The following NR4A2 variants were observed in gnomAD, a reference collection of about 807,000 sequenced individuals.
The protein encoded by NR4A2 is NGFI-B/nur77 beta-type transcription factor homolog.
NR4A2 carries 1 observed loss-of-function variant against 50.5 expected under a neutral mutation model. The observed-to-expected ratio is 0.02, with a 90% CI of 0.01 to 0.09. NR4A2 has a LOEUF of 0.09. Ranked by LOEUF, NR4A2 falls within the 10% of genes least tolerant of loss-of-function variation. The pLI, the probability that NR4A2 is intolerant of heterozygous loss-of-function variation, is 1.00. For synonymous variants in NR4A2, 328 were observed against 309.4 expected (o/e 1.06, Z -0.63); for missense variants, 613 against 777.3 (o/e 0.79, Z 2.51).
chr2:156,332,310 T>C (rs1364982005), intron 1 of NR4A2, among the ~76,000 whole-genome samples, 170 bp downstream of exon 1: 1 of 152,132 alleles, frequency 6.6e-6, no homozygotes, highest in African/African-American at 2.4e-5. Flanking sequence ...TTCGAACAAA[T>C]GCCCCCCGGT....
At position 156,328,528 on chromosome 2, in the gene NR4A2, T is replaced by G. The variant is rs960908237; in HGVS notation, c.870A>C (p.Thr290=). 6.2e-7 allele frequency: 1 copy of G among 1,614,136 alleles called. No homozygotes were observed. Among genetic ancestry groups the G allele is most frequent in the African/African-American group, 1.3e-5 (1 of 74,940 alleles). Residue 290 remains threonine (T), a synonymous_variant, in exon 4 of 8, where the codon ACA becomes ACC. Transcript: ENST00000339562. The surrounding 1 kb of genome is among the most constrained non-coding windows in gnomAD (Gnocchi z 4.9). ...ACACGTATTTTGCATTTTTTTGCACTGTGCGCTGCAAAAGGAGACAATATA... is the reference window on the plus strand; with the variant it reads ...ACACGTATTTTGCATTTTTTTGCACGGTGCGCTGCAAAAGGAGACAATATA... ...CEGCKGFFKR[T]VQKNAKYVCL... is the part of the protein sequence containing the mutation.
chr2:156,330,809 G>A lies in NR4A2; in HGVS notation c.-126-18C>T. On this transcript the variant is annotated intron_variant, in intron 1 of 7. Coordinates refer to ENST00000339562, the MANE Select transcript of NR4A2 (RefSeq NM_006186.4). ...TCTCCTCCCTGAAATACAGACACAG[G>A]AAGCTTCAGGGTTTCTTCCCGACAG... 2 of 1,241,658 alleles carry A rather than the reference G, an allele frequency of 1.6e-6. No homozygotes were observed. Among genetic ancestry groups the A allele is most frequent in the Non-Finnish European group, 2.0e-6 (2 of 992,808 alleles). The allele number at this position is 1,241,658 out of a possible 1,614,324, so 76.9% of individuals were successfully genotyped here.
rs527543896 is a variant in NR4A2 at position 156,330,309 on chromosome 2, G to A, written c.-2-121C>T. The A allele has an allele frequency of 8.3e-5, 95 of 1,140,828 alleles. No individual in the cohort carries two copies. In the South Asian group the frequency reaches 1.1e-3, roughly 13 times the overall value. The allele number at this position is 1,140,828 out of a possible 1,614,324, so 70.7% of individuals were successfully genotyped here. A position where few individuals can be genotyped will look rare whatever the true frequency, so the allele number is the denominator to read the frequency against. ...GCAGTCAGAGAGCATGTAGGGGCGCGAGAGGAAAGGCAGGAGAGAGAGAAT... is the reference window on the plus strand; with the variant it reads ...GCAGTCAGAGAGCATGTAGGGGCGCAAGAGGAAAGGCAGGAGAGAGAGAAT... On this transcript the variant is annotated intron_variant, in intron 2 of 7. Transcript: ENST00000339562.
In NR4A2 at chr2:156,328,308, G is replaced by T; in HGVS notation, c.994+96C>A. ...GAGGCCATACTGAGGGGGAGTCGGA[G>T]ATCCCCAGCACCGGGAAGTGGAACG... is the stretch of plus-strand genomic sequence containing the variant. On this transcript the variant is annotated intron_variant, in intron 4 of 7. Transcript: ENST00000339562. This position sits in a 1 kb window ranked among gnomAD's most constrained non-coding sequence, Gnocchi z 4.9. 2 of 1,582,638 alleles carry T rather than the reference G, an allele frequency of 1.3e-6. No individual in the cohort carries two copies. Among genetic ancestry groups the T allele is most frequent in the African/African-American group, 1.3e-5 (1 of 74,384 alleles).
Position 156,325,822 on chromosome 2 carries a change from A to G in NR4A2, c.1719T>C (p.Ile573=), listed in dbSNP as rs1267798079. ...RTLCTQGLQR[I]FYLKLEDLVP... ...CCAAGTCTTCCAATTTCAGGTAGAAAATGCGCTGTAGCCCCTGTGTGCAAA... is the reference window on the plus strand; with the variant it reads ...CCAAGTCTTCCAATTTCAGGTAGAAGATGCGCTGTAGCCCCTGTGTGCAAA... Residue 573 remains isoleucine, a synonymous_variant, in exon 8 of 8, where the codon ATT becomes ATC. Transcript: ENST00000339562. 6.2e-7 allele frequency: 1 copy of G among 1,614,176 alleles called. No homozygotes were observed. The highest frequency in any genetic ancestry group is 1.1e-5 in the South Asian group (1 of 91,078).
In NR4A2 at chr2:156,326,359, GAA is replaced by G; in HGVS notation, c.1362-33_1362-32del. 2.5e-6 allele frequency: 4 copies of G among 1,585,048 alleles called. No individual in the cohort carries two copies. Among genetic ancestry groups the G allele is most frequent in the Non-Finnish European group, 3.5e-6 (4 of 1,153,646 alleles). ...ATTAATACCAAAGAGAGAGAGGGGA[GAA>G]AAAGAGAGAGAGAAAAGCTAAACAA... On this transcript the variant is annotated intron_variant, in intron 6 of 7. Coordinates refer to ENST00000339562, the MANE Select transcript of NR4A2 (RefSeq NM_006186.4). This position sits in a 1 kb window ranked among gnomAD's most constrained non-coding sequence, Gnocchi z 4.2.
In NR4A2 at chr2:156,331,633, C is replaced by G. The variant is rs834835; in HGVS notation, c.-126-842G>C. Among the ~76,000 whole-genome samples, 3 of 152,036 alleles carry G rather than the reference C, an allele frequency of 2.0e-5. No homozygotes were observed. The East Asian group carries it at 5.8e-4, about 29-fold the overall frequency. On this transcript the variant is annotated intron_variant, in intron 1 of 7. Transcript: ENST00000339562. ...GGAACAAGGCATTCTTGTGTCCTAG[C>G]AATTTTCAGATGTTCCCACTTGGAA...
chr2:156,327,852 C>T lies in NR4A2; in HGVS notation c.1157G>A (p.Arg386Lys). ...NPAMTSLDYS[R>K]FQANPDYQMS... ...ATATCCCCCCCGCCAGCTTCTTACC[C>T]TGGAATAGTCCAGGCTGGTCATAGC... Residue 386 changes from arginine to lysine, a missense_variant and splice_region_variant, in exon 5 of 8, where the codon AGG (arginine) becomes AAG (lysine). This residue lies in a region of NR4A2 where 250 missense variants were observed against 311.3 expected (regional missense o/e 0.80). Coordinates refer to ENST00000339562, the MANE Select transcript of NR4A2 (RefSeq NM_006186.4). The T allele has an allele frequency of 1.9e-6, 3 of 1,578,508 alleles. No homozygotes were observed. Among genetic ancestry groups the T allele is most frequent in the Non-Finnish European group, 2.6e-6 (3 of 1,160,994 alleles).
At position 156,325,642 on chromosome 2, in the gene NR4A2, G is replaced by C. The variant is rs1370950943; in HGVS notation, c.*102C>G. On this transcript the variant is annotated 3_prime_UTR_variant, in exon 8 of 8. Coordinates refer to ENST00000339562, the MANE Select transcript of NR4A2 (RefSeq NM_006186.4). ...GGGTTACAGAAATGGGGGGCAGCTTGAGCTGAGACTGCTCACACGGCTATC... is the reference window on the plus strand; with the variant it reads ...GGGTTACAGAAATGGGGGGCAGCTTCAGCTGAGACTGCTCACACGGCTATC... The C allele has an allele frequency of 2.1e-6, 3 of 1,443,720 alleles. No individual in the cohort carries two copies. The highest frequency in any genetic ancestry group is 2.9e-6 in the Non-Finnish European group (3 of 1,027,180). The allele number at this position is 1,443,720 out of a possible 1,614,324, so 89.4% of individuals were successfully genotyped here. A position where few individuals can be genotyped will look rare whatever the true frequency, so the allele number is the denominator to read the frequency against.
Position 156,328,467 on chromosome 2 carries a change from G to T in NR4A2, c.931C>A (p.Arg311Ser), listed in dbSNP as rs1170197499. 1.2e-6 allele frequency: 2 copies of T among 1,614,216 alleles called. No homozygotes were observed. Residue 311 changes from arginine (R) to serine (S), a missense_variant, in exon 4 of 8, where the codon CGC becomes AGC. Around this residue, in one of 4 missense-constraint regions of NR4A2, gnomAD observed 27 missense variants for 120.7 expected, o/e 0.22. Coordinates refer to ENST00000339562, the MANE Select transcript of NR4A2 (RefSeq NM_006186.4). This position sits in a 1 kb window ranked among gnomAD's most constrained non-coding sequence, Gnocchi z 4.9. ...ANKNCPVDKR[R>S]RNRCQYCRFQ... ...CGGCAGTACTGACAGCGATTCCGGC[G>T]ACGCTTGTCCACTGGGCAGTTTTTA... is the stretch of plus-strand genomic sequence containing the variant.
chr2:156,329,808 G>C lies in NR4A2; in HGVS notation c.379C>G (p.Pro127Ala). ...AAGCCCGGGGTGGTGGGCGTCGGGG[G>C]CGAGGAGGGCTTGTAGTAAACCGAC... ...SGSVYYKPSS[P>A]PTPTTPGFQV... Residue 127 changes from proline (P) to alanine (A), a missense_variant, in exon 3 of 8, where the codon CCC becomes GCC. Coordinates refer to ENST00000339562, the MANE Select transcript of NR4A2 (RefSeq NM_006186.4). This position sits in a 1 kb window ranked among gnomAD's most constrained non-coding sequence, Gnocchi z 7.5. 1 of 1,613,796 alleles carries C rather than the reference G, an allele frequency of 6.2e-7. No individual in the cohort carries two copies. The highest frequency in any genetic ancestry group is 8.5e-7 in the Non-Finnish European group (1 of 1,179,722).
rs1030496017 is a variant in NR4A2 at position 156,325,320 on chromosome 2, GTC to G, written c.*422_*423del. Reference sequence around the variant, plus strand: ...ATACTTGTGGGTCCCCTTAAGATGTGTCTCTGTGTGTGTGTGTGTGTGTGTAT... The same window carrying G: ...ATACTTGTGGGTCCCCTTAAGATGTGTCTGTGTGTGTGTGTGTGTGTGTAT... On this transcript the variant is annotated 3_prime_UTR_variant, in exon 8 of 8. Coordinates refer to ENST00000339562, the MANE Select transcript of NR4A2 (RefSeq NM_006186.4). The G allele has an allele frequency of 3.0e-5, 6 of 202,316 alleles. No individual in the cohort carries two copies. The highest frequency in any genetic ancestry group is 1.3e-4 in the South Asian group (2 of 15,754). 12.5% of individuals were successfully genotyped at this position (202,316 alleles called of 1,614,324 possible).
chr2:156,329,903 A>C lies in NR4A2; in HGVS notation c.284T>G (p.Ile95Ser). 6.2e-7 allele frequency: 1 copy of C among 1,614,122 alleles called. No homozygotes were observed. Among genetic ancestry groups the C allele is most frequent in the African/African-American group, 1.3e-5 (1 of 75,018 alleles). Residue 95 changes from isoleucine to serine, a missense_variant, in exon 3 of 8, where the codon ATT becomes AGT. Ile to Ser is a moderately radical substitution (Grantham distance 142). Transcript: ENST00000339562. This position sits in a 1 kb window ranked among gnomAD's most constrained non-coding sequence, Gnocchi z 7.5. ...GTGTTGCTGGTAGTTGTGCATCTGAATGTCTTCTACCTTAATGGAGGACTG... is the reference window on the plus strand; with the variant it reads ...GTGTTGCTGGTAGTTGTGCATCTGACTGTCTTCTACCTTAATGGAGGACTG... ...GQQSSIKVEDIQMHNYQQHSH... is the reference protein window; with the variant it reads ...GQQSSIKVEDSQMHNYQQHSH...
At chr2:156,331,128 C>G (rs1053076586) in intron 1 of NR4A2, among the ~76,000 whole-genome samples, 2 of 152,146 alleles carry the variant, frequency 1.3e-5, no homozygotes, top group African/African-American at 4.8e-5. Flanking sequence ...TAGGTTAATT[C>G]AGGACCTGAG....
chr2:156,330,267 T>C, intron 2 of NR4A2, 79 bp from the exon 3 acceptor site: 1 of 1,551,988 alleles, frequency 6.4e-7, no homozygotes, highest in Non-Finnish European at 8.8e-7. Flanking sequence ...CACCTGGAGC[T>C]ACACCGGCAG....
chr2:156,329,311 G>C lies in NR4A2; in HGVS notation c.864+12C>G, dbSNP rs755465622. On this transcript the variant is annotated intron_variant, in intron 3 of 7. Transcript: ENST00000339562. The surrounding 1 kb of genome is among the most constrained non-coding windows in gnomAD (Gnocchi z 7.5). ...CTCCCTACCTGCCTACTCCGCTCCC[G>C]CCATTGCTCACCTTAAAGAAGCCTT... is the stretch of plus-strand genomic sequence containing the variant. 1 of 1,608,578 alleles carries C rather than the reference G, an allele frequency of 6.2e-7. No individual in the cohort carries two copies. Among genetic ancestry groups the C allele is most frequent in the South Asian group, 1.1e-5 (1 of 90,148 alleles).
In NR4A2 at chr2:156,329,605, G is replaced by A; in HGVS notation, c.582C>T (p.Phe194=). The A allele has an allele frequency of 6.2e-7, 1 of 1,610,040 alleles. No individual in the cohort carries two copies. The highest frequency in any genetic ancestry group is 8.5e-7 in the Non-Finnish European group (1 of 1,177,986). The change falls in exon 3 of 8, where the codon TTC becomes TTT. Residue 194 remains phenylalanine, a synonymous_variant. Transcript: ENST00000339562. This position sits in a 1 kb window ranked among gnomAD's most constrained non-coding sequence, Gnocchi z 7.5. ...GTPVSSCQMR[F]DGPLHVPMNP... Reference sequence around the variant, plus strand: ...TCATGGGGACGTGCAGGGGCCCGTCGAAGCGCATCTGGCAACTAGACACCG... The same window carrying A: ...TCATGGGGACGTGCAGGGGCCCGTCAAAGCGCATCTGGCAACTAGACACCG...
intron 2 of NR4A2, 95 bp from the exon 3 acceptor site, chr2:156,330,283 G>T: frequency 6.8e-7 from 1 of 1,473,184 alleles, no homozygotes; most frequent in South Asian, 1.2e-5. Context: ...GGCAGCCCGC[G>T]GCAGTCAGAG....
In NR4A2 at chr2:156,326,573, C is replaced by G; in HGVS notation, c.1361+145G>C. On this transcript the variant is annotated intron_variant, in intron 6 of 7. Transcript: ENST00000339562. The surrounding 1 kb of genome is among the most constrained non-coding windows in gnomAD (Gnocchi z 4.2). ...GCTTCTTCTCGTCTTTTTTTGTTTT[C>G]TTTCTTTTTCTTCCTTTCTCCGACT... The G allele has an allele frequency of 9.3e-7, 1 of 1,079,594 alleles. No homozygotes were observed. Among genetic ancestry groups the G allele is most frequent in the Non-Finnish European group, 1.4e-6 (1 of 731,970 alleles). 66.9% of individuals were successfully genotyped at this position (1,079,594 alleles called of 1,614,324 possible).
Sources: allele counts gnomAD v4.1 joint callset (sites outside exome capture counted in the v4.1 genomes callset), GRCh38; gene constraint gnomAD v4.1.1; regional missense constraint gnomAD v4.1.1; non-coding constraint Gnocchi (gnomAD v3.1); transcripts MANE v1.5; gene names NCBI Gene and HGNC (gene_info 2026-07-23, HGNC 2026-07-21).